Variants in COP1 observed in about 807,000 individuals in gnomAD.
COP1 encodes COP1 E3 ubiquitin ligase.
A neutral mutation model predicts 101.3 loss-of-function variants in COP1; 24 were observed. The ratio of observed to expected loss-of-function variants is 0.24; its 90% confidence interval spans 0.17 to 0.33. The LOEUF (loss-of-function observed/expected upper bound fraction) is 0.33, where lower values mean the gene tolerates loss of function less well. Ranked by LOEUF, COP1 falls within the 10% of genes least tolerant of loss-of-function variation. The pLI is 1.00. For synonymous variants in COP1, 347 were observed against 341.9 expected, an observed-to-expected ratio of 1.01 and a Z score of -0.17; for missense variants, 663 against 906.2, an observed-to-expected ratio of 0.73 and a Z score of 3.45.
rs1175606640 is a variant in COP1 at position 176,092,906 on chromosome 1, C to T, written c.1027-7016G>A. On this transcript the variant is annotated intron_variant, in intron 9 of 19. Coordinates refer to ENST00000367669, the MANE Select transcript of COP1 (RefSeq NM_022457.7). ...ATCTGGAGACATGTACAAAGATGCCCTTAATAGCAAGAACAACAAAAACCC... is the reference window on the plus strand; with the variant it reads ...ATCTGGAGACATGTACAAAGATGCCTTTAATAGCAAGAACAACAAAAACCC... Among the ~76,000 whole-genome samples, 3 of 152,048 alleles carry T rather than the reference C, an allele frequency of 2.0e-5. No homozygotes were observed. The East Asian group carries it at 5.8e-4, about 29-fold the overall frequency.
chr1:176,120,808 T>C (rs959352207), intron 8 of COP1, among the ~76,000 whole-genome samples: 3 of 152,186 alleles, frequency 2.0e-5, no homozygotes, highest in Non-Finnish European at 2.9e-5. Flanking sequence ...GGAAAGATAA[T>C]AGGCATATTG....
chr1:176,085,977 C>G (rs1297286782), intron 9 of COP1, 87 bp from the exon 10 acceptor site: 1 of 625,698 alleles, frequency 1.6e-6, no homozygotes, highest in African/African-American at 1.8e-5. Flanking sequence ...CATTTACCCT[C>G]AGAAGTTCAT....
At chr1:175,949,198 ATGGG>A in intron 18 of COP1, among the ~76,000 whole-genome samples, 1 of 141,348 alleles carries the variant, frequency 7.1e-6, no homozygotes, top group Non-Finnish European at 1.5e-5. Context: ...AAAAATGAAC[ATGGG>A]TAATACAATA....
At chr1:176,001,854 T>C (rs1009117650) in intron 15 of COP1, among the ~76,000 whole-genome samples, 8 of 152,128 alleles carry the variant, frequency 5.3e-5, no homozygotes, top group African/African-American at 1.7e-4. Flanking sequence ...ATGAATAGTT[T>C]TGCTGAATAT....
At chr1:176,181,936 A>G (rs945015581) in intron 2 of COP1, among the ~76,000 whole-genome samples, 24 of 152,218 alleles carry the variant, frequency 1.6e-4, no homozygotes, top group African/African-American at 5.8e-4. Flanking sequence ...ATCTAAGCCT[A>G]AATTGTTTTG....
chr1:176,121,327 T>C (rs1329115129), intron 8 of COP1, among the ~76,000 whole-genome samples: 3 of 152,120 alleles, frequency 2.0e-5, no homozygotes, highest in Non-Finnish European at 4.4e-5. Context: ...CCTCCAGAGA[T>C]ATTAGAAATC....
chr1:176,193,988 T>C (rs1434511307), intron 1 of COP1, among the ~76,000 whole-genome samples: 1 of 152,172 alleles, frequency 6.6e-6, no homozygotes. Context: ...ACTAACACTT[T>C]TGACAACAAG....
intron 4 of COP1, among the ~76,000 whole-genome samples, chr1:176,163,256 A>G (rs1572618817): frequency 6.6e-6 from 1 of 152,232 alleles, no homozygotes; most frequent in African/African-American, 2.4e-5. Flanking sequence ...TTTACCTTCA[A>G]AATGACTGAA....
intron 1 of COP1, among the ~76,000 whole-genome samples, chr1:176,188,966 G>A (rs1181978276): frequency 1.3e-5 from 2 of 152,090 alleles, no homozygotes; most frequent in Non-Finnish European, 2.9e-5. Flanking sequence ...AATATGTAGA[G>A]ACAGTAACTG....
chr1:175,972,293 T>C lies in COP1; in HGVS notation c.2133+14650A>G, dbSNP rs17353945. 3.9e-3 allele frequency among the ~76,000 whole-genome samples: 596 copies of C among 152,214 alleles called. 3 individuals are homozygous for C. Among genetic ancestry groups the C allele is most frequent in the Middle Eastern group, 6.8e-3 (2 of 294 alleles). On this transcript the variant is annotated intron_variant, in intron 18 of 19. Coordinates refer to ENST00000367669, the MANE Select transcript of COP1 (RefSeq NM_022457.7). ...ATACTTTGAAAAATACTAATACACA[T>C]GTTGAAACTATCTACAAATATTGAA...
chr1:176,006,085 C>T (rs531248323), intron 15 of COP1, among the ~76,000 whole-genome samples: 3 of 152,224 alleles, frequency 2.0e-5, no homozygotes, highest in African/African-American at 4.8e-5. Flanking sequence ...CTGAATTGAT[C>T]CCTTTACCAT....
intron 6 of COP1, among the ~76,000 whole-genome samples, chr1:176,139,204 G>A (rs1303327725): frequency 6.7e-6 from 1 of 149,018 alleles, no homozygotes; most frequent in African/African-American, 2.5e-5. Context: ...TCAGATAAAT[G>A]TTAACAAAAA....
At chr1:176,002,612 T>C in intron 15 of COP1, among the ~76,000 whole-genome samples, 1 of 147,188 alleles carries the variant, frequency 6.8e-6, no homozygotes, top group East Asian at 2.0e-4. Flanking sequence ...CAGTGTTTGG[T>C]TTTTTGTTCT....
intron 15 of COP1, among the ~76,000 whole-genome samples, chr1:176,007,908 C>T (rs1324352615): frequency 6.6e-6 from 1 of 152,232 alleles, no homozygotes. Flanking sequence ...TTTACCTAAG[C>T]AAGCCTGGGT....
chr1:176,113,136 C>T (rs1685577190), intron 9 of COP1, among the ~76,000 whole-genome samples: 1 of 152,146 alleles, frequency 6.6e-6, no homozygotes, highest in Non-Finnish European at 1.5e-5. Context: ...TACTCTTTTT[C>T]ATAATGGCTG....
At chr1:176,109,445 T>C (rs1041105457) in intron 9 of COP1, among the ~76,000 whole-genome samples, 2 of 152,192 alleles carry the variant, frequency 1.3e-5, no homozygotes, top group African/African-American at 4.8e-5. Context: ...TACTTTTTGG[T>C]AGATTTTAAA....
chr1:176,066,399 C>T (rs1432692247), intron 11 of COP1, among the ~76,000 whole-genome samples: 1 of 152,168 alleles, frequency 6.6e-6, no homozygotes, highest in African/African-American at 2.4e-5. Flanking sequence ...TACAGAAAAG[C>T]TTTTCCTCTC....
chr1:175,975,873 T>C (rs1254353405), intron 18 of COP1, among the ~76,000 whole-genome samples: 5 of 152,226 alleles, frequency 3.3e-5, no homozygotes, highest in Non-Finnish European at 5.9e-5. Context: ...TTTAACACAG[T>C]AGATACTCTG....
At chr1:175,999,662 T>C (rs1661121640) in intron 15 of COP1, among the ~76,000 whole-genome samples, 1 of 152,080 alleles carries the variant, frequency 6.6e-6, no homozygotes, top group Non-Finnish European at 1.5e-5. Flanking sequence ...GTAGCTCTAG[T>C]TTTAATTTTT....
Sources: gnomAD v4.1 joint callset for allele counts (sites outside exome capture counted in the v4.1 genomes callset) on GRCh38, gnomAD v4.1.1 for gene constraint, MANE v1.5 for transcripts, NCBI Gene and HGNC (gene_info 2026-07-23, HGNC 2026-07-21) for gene names.